Variants in PCDH15 observed in about 807,000 individuals in gnomAD.
PCDH15 encodes the protein protocadherin related 15, also known as protocadherin-15.
PCDH15 carries 129 observed loss-of-function variants against 178.5 expected under a neutral mutation model. The observed-to-expected ratio is 0.72, with a 90% CI of 0.63 to 0.84. The LOEUF (loss-of-function observed/expected upper bound fraction) is 0.84, where lower values mean the gene tolerates loss of function less well. Among genes scored for constraint, PCDH15 ranks in the 40% least tolerant of loss-of-function variants. PCDH15 has a pLI of 0.00. For missense variants in PCDH15, 2,230 were observed against 2,099.9 expected (o/e 1.06, Z -1.21); for synonymous variants, 800 against 732.0 (o/e 1.09, Z -1.50).
chr10:53,917,391 A>G (rs1406652551), intron 25 of PCDH15, among the ~76,000 whole-genome samples: 1 of 152,232 alleles, frequency 6.6e-6, no homozygotes, highest in Admixed American at 6.5e-5. Context: ...TAAAAATAAA[A>G]GCATATTTAT....
chr10:54,389,601 C>T (rs1240061998), intron 3 of PCDH15, among the ~76,000 whole-genome samples: 1 of 152,080 alleles, frequency 6.6e-6, no homozygotes, highest in Non-Finnish European at 1.5e-5. Context: ...CAAACTATTG[C>T]ATTAGAAACT....
Position 54,087,504 on chromosome 10 carries a change from ATAT to A in PCDH15, c.1997+2477_1997+2479del, listed in dbSNP as rs139855837. Among the ~76,000 whole-genome samples the A allele has an allele frequency of 6.7e-3, 1,017 of 152,298 alleles. 10 individuals are homozygous for A. Among genetic ancestry groups the A allele is most frequent in the Non-Finnish European group, 7.7e-3 (522 of 68,012 alleles). ...CCTCATTACCTTTTATTGATGAGTAATATTATATTATTACAGACAGGCAACATT... is the reference window on the plus strand; with the variant it reads ...CCTCATTACCTTTTATTGATGAGTAATATATTATTACAGACAGGCAACATT... On this transcript the variant is annotated intron_variant, in intron 16 of 37. Transcript: ENST00000644397.
At chr10:55,588,508 T>C (rs1322493749) in intron 2 of PCDH15, among the ~76,000 whole-genome samples, 2 of 152,142 alleles carry the variant, frequency 1.3e-5, no homozygotes, top group South Asian at 2.1e-4. Context: ...GACCATGAGA[T>C]GGTGTGTCTT....
At chr10:53,821,342 C>T in intron 32 of PCDH15, 1 of 990,182 alleles carries the variant, frequency 1.0e-6, no homozygotes, top group Non-Finnish European at 1.2e-6. Context: ...TCTGTCATCT[C>T]CTACAATCTA....
At chr10:55,264,311 GCCGATTAAACCCCACCCCCAACC>G (rs1842225035) in intron 1 of PCDH15, among the ~76,000 whole-genome samples, 1 of 152,068 alleles carries the variant, frequency 6.6e-6, no homozygotes, top group Non-Finnish European at 1.5e-5. Context: ...ACCAATTCTT[GCCGATTAAACCCCACCCCCAACC>G]CCACAGAAGG....
intron 2 of PCDH15, among the ~76,000 whole-genome samples, chr10:54,941,471 A>G (rs11004646): frequency 0.032 from 4,792 of 152,002 alleles, 106 homozygotes; most frequent in Non-Finnish European, 0.052. Context: ...GATGTTTTCT[A>G]TTTTATGAGG....
chr10:54,879,485 G>A (rs182835329), intron 3 of PCDH15, among the ~76,000 whole-genome samples: 6 of 151,950 alleles, frequency 3.9e-5, no homozygotes, highest in Non-Finnish European at 8.8e-5. Flanking sequence ...CAAACTAAGA[G>A]CTATCTGGTT....
intron 2 of PCDH15, among the ~76,000 whole-genome samples, chr10:54,556,030 G>C (rs2087215618): frequency 6.6e-6 from 1 of 152,154 alleles, no homozygotes; most frequent in Non-Finnish European, 1.5e-5. Flanking sequence ...CTATGCACTA[G>C]TCCTTGGAAC....
At chr10:55,056,525 T>A (rs1349010110) in intron 2 of PCDH15, among the ~76,000 whole-genome samples, 4 of 44,502 alleles carry the variant, frequency 9.0e-5, no homozygotes. Context: ...AAATCTAAGT[T>A]TCCATTTTCT....
intron 10 of PCDH15, among the ~76,000 whole-genome samples, chr10:54,198,797 C>T (rs1263196054): frequency 6.6e-6 from 1 of 152,050 alleles, no homozygotes; most frequent in East Asian, 1.9e-4. Context: ...CAATAACCAG[C>T]ATGTCATATC....
chr10:54,806,152 AAGG>A (rs1410170095), upstream of PCDH15, among the ~76,000 whole-genome samples: 1 of 152,202 alleles, frequency 6.6e-6, no homozygotes, highest in Non-Finnish European at 1.5e-5. Context: ...GTATTTTCCT[AAGG>A]AGAAGAATTT....
chr10:54,068,081 A>G (rs1236791175), intron 17 of PCDH15, among the ~76,000 whole-genome samples: 1 of 152,150 alleles, frequency 6.6e-6, no homozygotes, highest in Non-Finnish European at 1.5e-5. Context: ...GTGCTTGGGA[A>G]AAAGACCAAA....
At chr10:54,072,500 G>C (rs72794995) in intron 17 of PCDH15, among the ~76,000 whole-genome samples, 25,995 of 152,060 alleles carry the variant, frequency 0.17, 2,783 homozygotes, top group Non-Finnish European at 0.25. Flanking sequence ...AGAGAAAAGG[G>C]AAGTTCCTTC....
chr10:54,425,174 T>C (rs932821137), intron 3 of PCDH15, among the ~76,000 whole-genome samples: 2 of 152,102 alleles, frequency 1.3e-5, no homozygotes, highest in African/African-American at 4.8e-5. Flanking sequence ...TATGTTGAAA[T>C]TTAATCCAAA....
intron 2 of PCDH15, among the ~76,000 whole-genome samples, chr10:54,545,598 A>C (rs907718998): frequency 1.3e-5 from 2 of 152,144 alleles, no homozygotes; most frequent in Non-Finnish European, 2.9e-5. Context: ...GAAAGAAGAC[A>C]AAATGGAAAG....
At chr10:54,146,704 G>T (rs12246773) in intron 14 of PCDH15, among the ~76,000 whole-genome samples, 2,338 of 150,840 alleles carry the variant, frequency 0.015, 74 homozygotes, top group African/African-American at 0.054. Flanking sequence ...ATTCATATTG[G>T]ACTTATTTTC....
At chr10:53,888,663 TGATATATATATATA>T (rs1564692646) in intron 26 of PCDH15, among the ~76,000 whole-genome samples, 1 of 16,866 alleles carries the variant, frequency 5.9e-5, no homozygotes, top group Non-Finnish European at 1.2e-4. Context: ...CAGTTAAGTT[TGATATATATATATA>T]TATATATATA....
chr10:54,079,252 T>C lies in PCDH15; in HGVS notation c.2091+79A>G. The C allele has an allele frequency of 3.0e-6, 4 of 1,323,338 alleles. No individual in the cohort carries two copies. In the Admixed American group the frequency reaches 6.7e-5, roughly 22 times the overall value. The allele number at this position is 1,323,338 out of a possible 1,614,324, so 82.0% of individuals were successfully genotyped here. On this transcript the variant is annotated intron_variant, in intron 17 of 37. Coordinates refer to ENST00000644397, the MANE Select transcript of PCDH15 (RefSeq NM_001384140.1). ...GCTCCAGATGAAAAACATTAATTCA[T>C]GTCTGTGATACATTGTTTAAGACTC...
chr10:54,890,788 G>C (rs1350683495), intron 3 of PCDH15, among the ~76,000 whole-genome samples: 1 of 151,986 alleles, frequency 6.6e-6, no homozygotes, highest in Non-Finnish European at 1.5e-5. Context: ...TCCAAACTGA[G>C]TATAATTTTC....
Sources: allele counts gnomAD v4.1 joint callset (sites outside exome capture counted in the v4.1 genomes callset), GRCh38; gene constraint gnomAD v4.1.1; transcripts MANE v1.5; gene names NCBI Gene and HGNC (gene_info 2026-07-23, HGNC 2026-07-21).